Variants in LAMA2 observed in about 807,000 individuals in gnomAD.
LAMA2 encodes laminin subunit alpha 2.
In LAMA2, 269 loss-of-function variants were observed where a neutral mutation model predicts 364.8. The observed-to-expected ratio is 0.74, with a 90% CI of 0.67 to 0.82. The LOEUF is 0.82. Among genes scored for constraint, LAMA2 ranks in the 40% least tolerant of loss-of-function variants. LAMA2 has a pLI of 0.00. For synonymous variants in LAMA2, 1,379 were observed against 1,370.6 expected (o/e 1.01, Z -0.14); for missense variants, 3,807 against 3,873.2 (o/e 0.98, Z 0.45).
At chr6:129,464,189 C>T (rs1356365068) in intron 49 of LAMA2, 101 bp from the exon 50 acceptor site, 7 of 1,014,454 alleles carry the variant, frequency 6.9e-6, no homozygotes, top group Non-Finnish European at 1.1e-5. Flanking sequence ...GTATTTCCTG[C>T]CCTACAACAG....
At chr6:129,181,271 A>G (rs1010396171) in intron 10 of LAMA2, among the ~76,000 whole-genome samples, 8 of 152,120 alleles carry the variant, frequency 5.3e-5, no homozygotes, top group African/African-American at 1.9e-4. Flanking sequence ...GAAAATAACT[A>G]CAAAAGGAAA....
At chr6:129,353,902 G>C (rs948532380) in intron 32 of LAMA2, among the ~76,000 whole-genome samples, 1 of 152,196 alleles carries the variant, frequency 6.6e-6, no homozygotes, top group Admixed American at 6.5e-5. Context: ...ACAGTAAGTG[G>C]AGAGCAGTTT....
intron 6 of LAMA2, 99 bp downstream of exon 6, chr6:129,147,147 A>T: frequency 1.3e-6 from 1 of 798,200 alleles, no homozygotes; most frequent in Non-Finnish European, 2.3e-6. Flanking sequence ...AATGGGAGTC[A>T]GGTCCCCACT....
At chr6:129,338,316 A>C (rs1776070096) in intron 29 of LAMA2, among the ~76,000 whole-genome samples, 1 of 152,206 alleles carries the variant, frequency 6.6e-6, no homozygotes, top group African/African-American at 2.4e-5. Context: ...TCATCTCTAT[A>C]AAATAAGTTC....
chr6:128,888,814 A>G (rs1301324461), intron 1 of LAMA2, among the ~76,000 whole-genome samples: 1 of 152,206 alleles, frequency 6.6e-6, no homozygotes, highest in Non-Finnish European at 1.5e-5. Flanking sequence ...GTTTTAACAG[A>G]GTTAAATAAA....
At chr6:128,892,852 C>A (rs987115610) in intron 1 of LAMA2, among the ~76,000 whole-genome samples, 1 of 151,592 alleles carries the variant, frequency 6.6e-6, no homozygotes. Context: ...ATTAAAAAAA[C>A]CACCAAAAAA....
At position 129,287,874 on chromosome 6, in the gene LAMA2, C is replaced by G; in HGVS notation, c.2565C>G (p.Pro855=). The change falls in exon 19 of 65, where the codon CCC becomes CCG. Residue 855 remains proline (P), a synonymous_variant. Transcript: ENST00000421865. ...GTGCAGAAGGCTATTTTGGACAACC[C>G]TCTGTACCTGGAGGATCATGTCAGC... is the stretch of plus-strand genomic sequence containing the variant. ...ERCAEGYFGQ[P]SVPGGSCQPC... is the part of the protein sequence containing the mutation. 6.2e-7 allele frequency: 1 copy of G among 1,613,910 alleles called. No homozygotes were observed. Among genetic ancestry groups the G allele is most frequent in the African/African-American group, 1.3e-5 (1 of 75,004 alleles).
intron 1 of LAMA2, among the ~76,000 whole-genome samples, chr6:128,996,886 T>C (rs994776681): frequency 2.0e-5 from 3 of 152,150 alleles, no homozygotes; most frequent in African/African-American, 7.2e-5. Context: ...CAAATGCCTA[T>C]CAATGATAGA....
chr6:129,478,936 T>A, intron 54 of LAMA2, 123 bp downstream of exon 54: 1 of 862,026 alleles, frequency 1.2e-6, no homozygotes, highest in South Asian at 1.4e-5. Flanking sequence ...ATCCTACTCT[T>A]AAACGATAAA....
At chr6:129,483,066 C>CCAAAAAA (rs1784425464) in intron 55 of LAMA2, among the ~76,000 whole-genome samples, 1 of 55,614 alleles carries the variant, frequency 1.8e-5, no homozygotes, top group African/African-American at 1.2e-4. Context: ...GACTCCGACT[C>CCAAAAAA]GAAAAAAAAA....
At chr6:129,502,886 A>AT in intron 59 of LAMA2, 115 bp downstream of exon 59, 1 of 882,956 alleles carries the variant, frequency 1.1e-6, no homozygotes, top group South Asian at 1.4e-5. Context: ...CTTTTCTTTT[A>AT]TTCACTGAGT....
intron 3 of LAMA2, among the ~76,000 whole-genome samples, chr6:129,080,831 G>A (rs1158008952): frequency 6.6e-6 from 1 of 152,202 alleles, no homozygotes; most frequent in Non-Finnish European, 1.5e-5. Flanking sequence ...GGAAGACAGT[G>A]TGGCGATTCC....
At chr6:128,980,343 G>A (rs528596209) in intron 1 of LAMA2, among the ~76,000 whole-genome samples, 6 of 152,180 alleles carry the variant, frequency 3.9e-5, no homozygotes, top group East Asian at 1.9e-4. Context: ...GCACAAATAC[G>A]CGTAGTCTGC....
intron 45 of LAMA2, 110 bp from the exon 46 acceptor site, chr6:129,452,878 A>G: frequency 1.1e-6 from 1 of 936,696 alleles, no homozygotes; most frequent in Non-Finnish European, 1.7e-6. Context: ...ATTTGATGAT[A>G]GAAAATAACT....
intron 58 of LAMA2, among the ~76,000 whole-genome samples, chr6:129,492,755 CAG>C (rs967841947): frequency 9.8e-5 from 15 of 152,288 alleles, no homozygotes; most frequent in African/African-American, 3.4e-4. Context: ...AATACCATGA[CAG>C]AGGCAACCAT....
At chr6:129,228,214 C>T (rs1453948670) in intron 12 of LAMA2, among the ~76,000 whole-genome samples, 1 of 152,144 alleles carries the variant, frequency 6.6e-6, no homozygotes, top group East Asian at 1.9e-4. Context: ...CCCGATTTTC[C>T]AGGTGCCGTC....
intron 18 of LAMA2, 134 bp from the exon 19 acceptor site, chr6:129,287,713 C>A: frequency 1.3e-6 from 1 of 791,532 alleles, no homozygotes; most frequent in South Asian, 1.4e-5. Context: ...TTTTTTTAAT[C>A]ACGTTGCGTT....
At chr6:129,383,269 C>A in intron 35 of LAMA2, 36 bp downstream of exon 35, 1 of 1,480,592 alleles carries the variant, frequency 6.8e-7, no homozygotes, top group Non-Finnish European at 9.4e-7. Context: ...CATCATTTCT[C>A]CCAACAGAAA....
intron 12 of LAMA2, among the ~76,000 whole-genome samples, chr6:129,210,384 C>T (rs147563245): frequency 8.3e-5 from 12 of 145,070 alleles, no homozygotes; most frequent in Middle Eastern, 3.5e-3. Flanking sequence ...CATTAGAAAC[C>T]GAACCACGCA....
Sources: allele counts gnomAD v4.1 joint callset (sites outside exome capture counted in the v4.1 genomes callset), GRCh38; gene constraint gnomAD v4.1.1; transcripts MANE v1.5; gene names NCBI Gene and HGNC (gene_info 2026-07-23, HGNC 2026-07-21).